FXR2: variants seen among roughly 807,000 people sequenced by gnomAD.
The protein encoded by FXR2 is RNA-binding protein FXR2.
In FXR2, 9 loss-of-function variants were observed where a neutral mutation model predicts 87.3. The observed-to-expected ratio is 0.10, with a 90% CI of 0.06 to 0.18. The LOEUF is 0.18. Among genes scored for constraint, FXR2 ranks in the 10% least tolerant of loss-of-function variants. FXR2 has a pLI of 1.00. For synonymous variants in FXR2, 331 were observed against 328.3 expected, an observed-to-expected ratio of 1.01 and a Z score of -0.09; for missense variants, 661 against 893.6, an observed-to-expected ratio of 0.74 and a Z score of 3.32.
rs562549549 is a variant in FXR2, at chr17:7,593,251, G to C, written c.1331-70C>G. On this transcript the variant is annotated intron_variant, in intron 12 of 16. Transcript: ENST00000250113. This position sits in a 1 kb window ranked among gnomAD's most constrained non-coding sequence, Gnocchi z 6.1. ...CAGGATCCATCACATCCCCCAAACT[G>C]GAAGAATTCTCCTTCTCACTCACAA... 10 of 1,305,052 alleles carry C rather than the reference G, an allele frequency of 7.7e-6. No individual in the cohort carries two copies. The Admixed American group carries it at 1.3e-4, about 17-fold the overall frequency. 80.8% of individuals were successfully genotyped at this position (1,305,052 alleles called of 1,614,324 possible). A position where few individuals can be genotyped will look rare whatever the true frequency, so the allele number is the denominator to read the frequency against.
rs752173020 is a variant in FXR2, at chr17:7,602,947, T to C, written c.505A>G (p.Ile169Val). Residue 169 changes from isoleucine (I) to valine (V), a missense_variant, in exon 6 of 17, where the codon ATC (isoleucine) becomes GTC (valine). Physicochemically the swap from Ile to Val is conservative, Grantham distance 29. Around this residue, in one of 3 missense-constraint regions of FXR2, gnomAD observed 170 missense variants for 247.2 expected, o/e 0.69. Coordinates refer to ENST00000250113, the MANE Select transcript of FXR2 (RefSeq NM_004860.4). Reference protein sequence around the residue: ...EFKKALGANCIFLNITNSELF... With the variant: ...EFKKALGANCVFLNITNSELF... ...TCACTGTTTGTGATGTTGAGAAAGA[T>C]GCAGTTGGCTCCCAGGGCTTTCTTG... is the stretch of plus-strand genomic sequence containing the variant. 3 of 1,591,198 alleles carry C rather than the reference T, an allele frequency of 1.9e-6. No homozygotes were observed. The highest frequency in any genetic ancestry group is 2.6e-6 in the Non-Finnish European group (3 of 1,160,118).
chr17:7,592,613 A>G lies in FXR2; in HGVS notation c.1730-14T>C. 2 of 1,613,496 alleles carry G rather than the reference A, an allele frequency of 1.2e-6. No homozygotes were observed. The highest frequency in any genetic ancestry group is 1.7e-6 in the Non-Finnish European group (2 of 1,179,638). On this transcript the variant is annotated splice_polypyrimidine_tract_variant and intron_variant, in intron 14 of 16. Coordinates refer to ENST00000250113, the MANE Select transcript of FXR2 (RefSeq NM_004860.4). This position sits in a 1 kb window ranked among gnomAD's most constrained non-coding sequence, Gnocchi z 4.8. Reference sequence around the variant, plus strand: ...TTGATTCATCTTCTGTAGGGTAGGAAAAAACCAGAGTCACACATCCAACCT... The same window carrying G: ...TTGATTCATCTTCTGTAGGGTAGGAGAAAACCAGAGTCACACATCCAACCT...
At chr17:7,614,318 G>A (rs1167076388) in intron 1 of FXR2, 134 bp downstream of exon 1, 4 of 711,408 alleles carry the variant, frequency 5.6e-6, no homozygotes, top group Non-Finnish European at 9.5e-6. Flanking sequence ...AGGGAAGGCT[G>A]CGGGTTGGAG....
At chr17:7,604,338 G>A (rs1437304037) in intron 3 of FXR2, among the ~76,000 whole-genome samples, 1 of 152,032 alleles carries the variant, frequency 6.6e-6, no homozygotes, top group Non-Finnish European at 1.5e-5. Context: ...GCCAAGGTGG[G>A]AGGATCTCTT....
Position 7,594,081 on chromosome 17 carries a change from G to T in FXR2, c.1021-77C>A, listed in dbSNP as rs1050630160. Reference sequence around the variant, plus strand: ...GGATTAACGCCGCCCAGTCTCCTAGGGGAGCCTGCCCAGTGGGATCATTCT... The same window carrying T: ...GGATTAACGCCGCCCAGTCTCCTAGTGGAGCCTGCCCAGTGGGATCATTCT... On this transcript the variant is annotated intron_variant, in intron 10 of 16. Transcript: ENST00000250113. The surrounding 1 kb of genome is among the most constrained non-coding windows in gnomAD (Gnocchi z 5.1). 1.9e-6 allele frequency: 2 copies of T among 1,039,860 alleles called. No homozygotes were observed. Among genetic ancestry groups the T allele is most frequent in the African/African-American group, 3.1e-5 (2 of 63,940 alleles). 64.4% of individuals were successfully genotyped at this position (1,039,860 alleles called of 1,614,324 possible). A position where few individuals can be genotyped will look rare whatever the true frequency, so the allele number is the denominator to read the frequency against.
Position 7,594,115 on chromosome 17 carries a change from A to C in FXR2, c.1021-111T>G, listed in dbSNP as rs960485029. 5.5e-6 allele frequency: 5 copies of C among 901,362 alleles called. No individual in the cohort carries two copies. The highest frequency in any genetic ancestry group is 3.9e-5 in the Admixed American group (2 of 51,896). 55.8% of individuals were successfully genotyped at this position (901,362 alleles called of 1,614,324 possible). ...CCCAGTGGGATCATTCTGGGCTCTA[A>C]ATCTACTAGTGTTAAACAACTTTCC... On this transcript the variant is annotated intron_variant, in intron 10 of 16. Transcript: ENST00000250113. This position sits in a 1 kb window ranked among gnomAD's most constrained non-coding sequence, Gnocchi z 5.1.
chr17:7,593,354 A>G lies in FXR2; in HGVS notation c.1330+49T>C. The G allele has an allele frequency of 7.1e-7, 1 of 1,414,390 alleles. No homozygotes were observed. The highest frequency in any genetic ancestry group is 2.5e-5 in the East Asian group (1 of 40,240). The allele number at this position is 1,414,390 out of a possible 1,614,324, so 87.6% of individuals were successfully genotyped here. Reference sequence around the variant, plus strand: ...AACTTCCATCCAGACCTCTGCCTCTACCCACAAGCCCTGCCACTCCTTGCC... The same window carrying G: ...AACTTCCATCCAGACCTCTGCCTCTGCCCACAAGCCCTGCCACTCCTTGCC... On this transcript the variant is annotated intron_variant, in intron 12 of 16. Transcript: ENST00000250113. The surrounding 1 kb of genome is among the most constrained non-coding windows in gnomAD (Gnocchi z 6.1).
At chr17:7,601,023 A>T (rs1474928284) in intron 7 of FXR2, among the ~76,000 whole-genome samples, 2 of 151,728 alleles carry the variant, frequency 1.3e-5, no homozygotes, top group African/African-American at 2.4e-5. Flanking sequence ...TACTAATAAT[A>T]CAAAACTTAG....
intron 7 of FXR2, among the ~76,000 whole-genome samples, chr17:7,598,455 AAAAAC>A (rs752936331): frequency 8.5e-5 from 13 of 152,268 alleles, no homozygotes; most frequent in African/African-American, 1.4e-4. Flanking sequence ...ACTCCGTCTC[AAAAAC>A]AAAACAAAAC....
At position 7,594,017 on chromosome 17, in the gene FXR2, GA is replaced by G. The variant is rs759912780; in HGVS notation, c.1021-14del. Reference sequence around the variant, plus strand: ...AGGGAACCATTCCCTAGAGAACAGAGAGCAGAAACGATGGATCAGAAAGGAA... The same window carrying G: ...AGGGAACCATTCCCTAGAGAACAGAGGCAGAAACGATGGATCAGAAAGGAA... On this transcript the variant is annotated splice_polypyrimidine_tract_variant and intron_variant, in intron 10 of 16. Coordinates refer to ENST00000250113, the MANE Select transcript of FXR2 (RefSeq NM_004860.4). The surrounding 1 kb of genome is among the most constrained non-coding windows in gnomAD (Gnocchi z 5.1). The G allele has an allele frequency of 2.0e-6, 3 of 1,512,626 alleles. No homozygotes were observed. The highest frequency in any genetic ancestry group is 2.8e-6 in the Non-Finnish European group (3 of 1,087,410). The allele number at this position is 1,512,626 out of a possible 1,614,324, so 93.7% of individuals were successfully genotyped here.
rs779614427 is a variant in FXR2, at chr17:7,595,919, T to G, written c.736A>C (p.Thr246Pro). The G allele has an allele frequency of 1.2e-6, 2 of 1,613,156 alleles. No individual in the cohort carries two copies. Among genetic ancestry groups the G allele is most frequent in the Non-Finnish European group, 1.7e-6 (2 of 1,179,456 alleles). Residue 246 changes from threonine to proline, a missense_variant, in exon 8 of 17, where the codon ACT (threonine) becomes CCT (proline). Thr to Pro is a conservative substitution (Grantham distance 38). Transcript: ENST00000250113. This position sits in a 1 kb window ranked among gnomAD's most constrained non-coding sequence, Gnocchi z 4.7. ...REDLMGLAIG[T>P]HGANIQQARK... ...GCCTGCTGGATGTTGGCACCGTGAG[T>G]CCCAATTGCCAGTCCCATCAGGTCC...
Position 7,593,341 on chromosome 17 carries a change from G to C in FXR2, c.1330+62C>G. On this transcript the variant is annotated intron_variant, in intron 12 of 16. Coordinates refer to ENST00000250113, the MANE Select transcript of FXR2 (RefSeq NM_004860.4). This position sits in a 1 kb window ranked among gnomAD's most constrained non-coding sequence, Gnocchi z 6.1. ...CCAGATTTCCCCAAACTTCCATCCA[G>C]ACCTCTGCCTCTACCCACAAGCCCT... The C allele has an allele frequency of 7.4e-7, 1 of 1,350,708 alleles. No individual in the cohort carries two copies. Among genetic ancestry groups the C allele is most frequent in the Non-Finnish European group, 1.0e-6 (1 of 974,848 alleles). 83.7% of individuals were successfully genotyped at this position (1,350,708 alleles called of 1,614,324 possible). A position where few individuals can be genotyped will look rare whatever the true frequency, so the allele number is the denominator to read the frequency against.
chr17:7,608,358 G>A (rs991874974), intron 1 of FXR2, among the ~76,000 whole-genome samples: 3 of 151,136 alleles, frequency 2.0e-5, no homozygotes, highest in East Asian at 1.9e-4. Flanking sequence ...CTGGGAGGCC[G>A]AGGCTGGCAG....
At position 7,594,658 on chromosome 17, in the gene FXR2, A is replaced by G. The variant is rs1462434724; in HGVS notation, c.910+21T>C. ...AATCTTGATTCTGACCTCTAACTGT[A>G]TATACACACCACCAACTCACCAACC... is the stretch of plus-strand genomic sequence containing the variant. On this transcript the variant is annotated intron_variant, in intron 9 of 16. Transcript: ENST00000250113. The surrounding 1 kb of genome is among the most constrained non-coding windows in gnomAD (Gnocchi z 5.1). The G allele has an allele frequency of 6.2e-6, 9 of 1,454,116 alleles. No homozygotes were observed. Among genetic ancestry groups the G allele is most frequent in the Non-Finnish European group, 8.7e-6 (9 of 1,033,974 alleles). 90.1% of individuals were successfully genotyped at this position (1,454,116 alleles called of 1,614,324 possible).
intron 7 of FXR2, among the ~76,000 whole-genome samples, chr17:7,600,417 C>T (rs758701518): frequency 2.0e-5 from 3 of 151,614 alleles, no homozygotes; most frequent in African/African-American, 2.4e-5. Flanking sequence ...CTCCCAACCT[C>T]GGATTGATCT....
chr17:7,601,643 A>G (rs1049422775), intron 6 of FXR2, 118 bp from the exon 7 acceptor site: 3 of 689,590 alleles, frequency 4.4e-6, no homozygotes, highest in Non-Finnish European at 7.7e-6. Flanking sequence ...AAATGAAGCT[A>G]GGAGACCGGG....
Position 7,593,050 on chromosome 17 carries a change from G to T in FXR2, c.1462C>A (p.Arg488=), listed in dbSNP as rs777500113. The change falls in exon 13 of 17, where the codon CGG becomes AGG. Residue 488 remains arginine, a synonymous_variant. Transcript: ENST00000250113. This position sits in a 1 kb window ranked among gnomAD's most constrained non-coding sequence, Gnocchi z 6.1. The stretch of plus-strand genomic sequence containing the variant: ...GGGGCAGGTGGGGGTCCCCTACCCC[G>T]GCCCCCAGTCGGCCGCCTCCGGCTT... The part of the protein sequence containing the change: ...EESRRRPTGG[R]GRGPPPAPRP... 3 of 1,583,830 alleles carry T rather than the reference G, an allele frequency of 1.9e-6. No homozygotes were observed. The highest frequency in any genetic ancestry group is 2.6e-6 in the Non-Finnish European group (3 of 1,167,774).
Position 7,596,002 on chromosome 17 carries a change from G to A in FXR2, c.661-8C>T, listed in dbSNP as rs2071703998. On this transcript the variant is annotated splice_polypyrimidine_tract_variant and splice_region_variant and intron_variant, in intron 7 of 16. Coordinates refer to ENST00000250113, the MANE Select transcript of FXR2 (RefSeq NM_004860.4). ...TGCCAACTGCTTGCTTGTCTGAAAG[G>A]AAAAGTCACTGTAGGAATCATGGTG... The A allele has an allele frequency of 2.5e-6, 4 of 1,610,320 alleles. No homozygotes were observed. The Admixed American group carries it at 5.0e-5, about 20-fold the overall frequency.
At position 7,592,271 on chromosome 17, in the gene FXR2, A is replaced by G; in HGVS notation, c.1909T>C (p.Ser637Pro). 6.2e-7 allele frequency: 1 copy of G among 1,611,232 alleles called. No homozygotes were observed. Among genetic ancestry groups the G allele is most frequent in the Non-Finnish European group, 8.5e-7 (1 of 1,177,470 alleles). Residue 637 changes from serine to proline, a missense_variant, in exon 16 of 17, where the codon TCT becomes CCT. By Grantham distance (74) the Ser-to-Pro change is moderately conservative (BLOSUM62 -1). This residue lies in a region of FXR2 where 409 missense variants were observed against 432.0 expected (regional missense o/e 0.95). Transcript: ENST00000250113. The surrounding 1 kb of genome is among the most constrained non-coding windows in gnomAD (Gnocchi z 4.8). Reference sequence around the variant, plus strand: ...CTGCCTACCTTCTGTCCTGAAAGAGAGTCTTCTGAGGGTTTAGTGCGTTCC... The same window carrying G: ...CTGCCTACCTTCTGTCCTGAAAGAGGGTCTTCTGAGGGTTTAGTGCGTTCC... ...PLERTKPSED[S>P]LSGQKGDSVS...
Sources: allele counts gnomAD v4.1 joint callset (sites outside exome capture counted in the v4.1 genomes callset), GRCh38; gene constraint gnomAD v4.1.1; regional missense constraint gnomAD v4.1.1; non-coding constraint Gnocchi (gnomAD v3.1); transcripts MANE v1.5; gene names NCBI Gene and HGNC (gene_info 2026-07-23, HGNC 2026-07-21).